The following TRIO variants were observed in gnomAD, a reference collection of about 807,000 sequenced individuals.
The protein encoded by TRIO is triple functional domain protein.
A neutral mutation model predicts 351.9 loss-of-function variants in TRIO; 58 were observed. The observed-to-expected ratio is 0.16, with a 90% CI of 0.13 to 0.21. The LOEUF is 0.21. Ranked by LOEUF, TRIO falls within the 10% of genes least tolerant of loss-of-function variation. The pLI is 1.00. For synonymous variants in TRIO, 1,758 were observed against 1,595.7 expected (o/e 1.10, Z -2.42); for missense variants, 3,201 against 4,027.8 (o/e 0.79, Z 5.56).
chr5:14,504,829 C>T (rs1579856985), intron 55 of TRIO, among the ~76,000 whole-genome samples: 1 of 152,110 alleles, frequency 6.6e-6, no homozygotes, highest in African/African-American at 2.4e-5. Flanking sequence ...TGGGATGGAA[C>T]ACCTGATATG....
At chr5:14,342,559 A>G (rs1375899988) in intron 11 of TRIO, among the ~76,000 whole-genome samples, 1 of 152,224 alleles carries the variant, frequency 6.6e-6, no homozygotes, top group Non-Finnish European at 1.5e-5. Context: ...GACTCTCTGC[A>G]GCCACAGAAC....
In TRIO at chr5:14,390,317, C is replaced by A; in HGVS notation, c.4128+17C>A. On this transcript the variant is annotated intron_variant, in intron 26 of 56. Transcript: ENST00000344204. The stretch of plus-strand genomic sequence containing the variant: ...GTTACTTGGGTAATGAAACCTCAAC[C>A]ATTTGTTCTCTCCCAGCTATTAGGT... The A allele has an allele frequency of 6.2e-7, 1 of 1,612,444 alleles. No individual in the cohort carries two copies. Among genetic ancestry groups the A allele is most frequent in the South Asian group, 1.1e-5 (1 of 90,742 alleles).
At position 14,488,180 on chromosome 5, in the gene TRIO, G is replaced by T; in HGVS notation, c.7552G>T (p.Ala2518Ser). 6.2e-7 allele frequency: 1 copy of T among 1,601,106 alleles called. No homozygotes were observed. Among genetic ancestry groups the T allele is most frequent in the Non-Finnish European group, 8.5e-7 (1 of 1,178,808 alleles). The change falls in exon 48 of 57, where the codon GCC becomes TCC. Residue 2518 changes from alanine (A) to serine (S), a missense_variant. Physicochemically the swap from Ala to Ser is moderately conservative, Grantham distance 99. Coordinates refer to ENST00000344204, the MANE Select transcript of TRIO (RefSeq NM_007118.4). ...CCAGCGGCAGACACCCCGCCACGCG[G>T]CCCCTGGCAAGGATACTGACCGCAT... is the stretch of plus-strand genomic sequence containing the variant. ...SLQRQTPRHA[A>S]PGKDTDRMST...
chr5:14,430,169 G>A (rs1283715956), intron 34 of TRIO, among the ~76,000 whole-genome samples: 8 of 142,308 alleles, frequency 5.6e-5, no homozygotes, highest in African/African-American at 1.8e-4. Context: ...AACTTTGCGT[G>A]TAATGATATT....
intron 34 of TRIO, chr5:14,441,176 G>A (rs1752009022): frequency 1.3e-5 from 2 of 152,946 alleles, no homozygotes; most frequent in Admixed American, 1.3e-4. Flanking sequence ...CCAAGCGGGT[G>A]GCTCTAGCTG....
At chr5:14,370,553 G>GT (rs1366268907) in intron 18 of TRIO, among the ~76,000 whole-genome samples, 1 of 151,978 alleles carries the variant, frequency 6.6e-6, no homozygotes, top group African/African-American at 2.4e-5. Context: ...CACTTTCTGT[G>GT]TTTTTTTCTG....
intron 32 of TRIO, 67 bp from the exon 33 acceptor site, chr5:14,406,501 ACAAAT>A (rs1748729698): frequency 6.8e-7 from 1 of 1,464,856 alleles, no homozygotes. Context: ...ACCTCATTAA[ACAAAT>A]CAGTTGCTTC....
intron 9 of TRIO, among the ~76,000 whole-genome samples, chr5:14,328,925 A>G (rs79716365): frequency 0.01 from 1,577 of 152,056 alleles, 27 homozygotes; most frequent in African/African-American, 0.036. Context: ...AAGGGTCTGT[A>G]CAGAGGACCA....
chr5:14,479,792 A>G, intron 42 of TRIO, 127 bp from the exon 43 acceptor site: 1 of 749,720 alleles, frequency 1.3e-6, no homozygotes, highest in Non-Finnish European at 2.2e-6. Flanking sequence ...AGCTCTAGTT[A>G]GTCTAGTGCT....
At chr5:14,441,821 A>G (rs1270746408) in intron 34 of TRIO, among the ~76,000 whole-genome samples, 1 of 152,210 alleles carries the variant, frequency 6.6e-6, no homozygotes, top group Non-Finnish European at 1.5e-5. Context: ...CTACAGCCAT[A>G]TGATAAGATA....
chr5:14,396,443 C>CTTTTTTTTTTTTTTTTTTTTTTTTTTTT (rs1173121592), intron 28 of TRIO, among the ~76,000 whole-genome samples: 1 of 41,518 alleles, frequency 2.4e-5, no homozygotes, highest in Non-Finnish European at 4.5e-5. Context: ...TTCTATTTAT[C>CTTTTTTTTTTTTTTTTTTTTTTTTTTTT]TTTTTTTTTT....
At chr5:14,480,642 C>T (rs375509495) in intron 43 of TRIO, among the ~76,000 whole-genome samples, 16 of 152,280 alleles carry the variant, frequency 1.1e-4, no homozygotes, top group Middle Eastern at 3.4e-3. Context: ...TCGTGTACAA[C>T]GCCTAGGACC....
chr5:14,501,139 T>C (rs911549267), intron 53 of TRIO, among the ~76,000 whole-genome samples: 1 of 151,958 alleles, frequency 6.6e-6, no homozygotes, highest in African/African-American at 2.4e-5. Context: ...TTTATGTAAA[T>C]AATAGTCCAA....
chr5:14,356,583 A>G (rs1424012054), intron 11 of TRIO, among the ~76,000 whole-genome samples: 1 of 152,230 alleles, frequency 6.6e-6, no homozygotes, highest in African/African-American at 2.4e-5. Context: ...TAAGTTAAGC[A>G]TACACCTGCC....
intron 1 of TRIO, among the ~76,000 whole-genome samples, chr5:14,247,214 G>A (rs1178877112): frequency 6.6e-6 from 1 of 152,228 alleles, no homozygotes. Context: ...CCCTCGGCTG[G>A]AGCCTGGGCC....
At chr5:14,291,788 T>TAAAAAAAAAAAAAAAAAA (rs57424190) in intron 5 of TRIO, among the ~76,000 whole-genome samples, 6 of 100,956 alleles carry the variant, frequency 5.9e-5, no homozygotes, top group Admixed American at 2.4e-4. Flanking sequence ...GACTCCGTCT[T>TAAAAAAAAAAAAAAAAAA]AAAAAAAAAA....
At chr5:14,488,435 C>CTACTCCTTGCTT (rs1308972077) in intron 48 of TRIO, 175 bp downstream of exon 48, 1 of 876,904 alleles carries the variant, frequency 1.1e-6, no homozygotes, top group African/African-American at 1.7e-5. Context: ...GCGCTACTAA[C>CTACTCCTTGCTT]TACTCCTTGC....
At chr5:14,159,417 G>A (rs1265437652) in intron 1 of TRIO, among the ~76,000 whole-genome samples, 1 of 151,994 alleles carries the variant, frequency 6.6e-6, no homozygotes, top group East Asian at 1.9e-4. Context: ...AGCTGAAAAA[G>A]TGGAAACTGA....
chr5:14,271,018 T>C, intron 2 of TRIO, 119 bp downstream of exon 2: 1 of 734,688 alleles, frequency 1.4e-6, no homozygotes, highest in Non-Finnish European at 2.3e-6. Flanking sequence ...CTATGAATTT[T>C]GAATGGCTTT....
Sources: gnomAD v4.1 joint callset for allele counts (sites outside exome capture counted in the v4.1 genomes callset) on GRCh38, gnomAD v4.1.1 for gene constraint, MANE v1.5 for transcripts, NCBI Gene and HGNC (gene_info 2026-07-23, HGNC 2026-07-21) for gene names.